The following NKAIN3 variants were observed in gnomAD, a reference collection of about 807,000 sequenced individuals.
The protein encoded by NKAIN3 is sodium/potassium transporting ATPase interacting 3.
Under a neutral mutation model 30.2 loss-of-function variants are expected in NKAIN3, and 25 were observed. The observed-to-expected ratio is 0.83, with a 90% CI of 0.60 to 1.16. The LOEUF (loss-of-function observed/expected upper bound fraction) is 1.16. NKAIN3 is among the 50% of genes most tolerant of loss of function. The pLI, the probability that NKAIN3 is intolerant of heterozygous loss-of-function variation, is 0.00. For missense variants in NKAIN3, 225 were observed against 254.1 expected, an observed-to-expected ratio of 0.89 and a Z score of 0.78; for synonymous variants, 91 against 89.6, an observed-to-expected ratio of 1.02 and a Z score of -0.09.
In NKAIN3 at chr8:62,974,077, A is replaced by G. The variant is rs1823892549; in HGVS notation, c.*8670A>G. Among the ~76,000 whole-genome samples the G allele has an allele frequency of 6.6e-6, 1 of 152,138 alleles. No individual in the cohort carries two copies. The highest frequency in any genetic ancestry group is 2.1e-4 in the South Asian group (1 of 4,824). On this transcript the variant is annotated 3_prime_UTR_variant, in exon 7 of 7. Transcript: ENST00000623646. ...GTTTTGGTTACTGTAGCCTTGTAGT[A>G]TAGTTTGAAGTTAGGTAGCATGATG...
At chr8:62,415,146 T>TTA (rs1159393881) in intron 1 of NKAIN3, among the ~76,000 whole-genome samples, 4 of 130,876 alleles carry the variant, frequency 3.1e-5, no homozygotes, top group African/African-American at 5.5e-5. Flanking sequence ...TATATATGTA[T>TTA]TATATACTAT....
At chr8:62,667,845 C>A (rs1270083743) in intron 3 of NKAIN3, among the ~76,000 whole-genome samples, 4 of 152,156 alleles carry the variant, frequency 2.6e-5, no homozygotes, top group Non-Finnish European at 5.9e-5. Context: ...CAACTTGCCT[C>A]TTTTACAATC....
At chr8:62,847,624 CTGTAGGT>C (rs1381830163) in intron 4 of NKAIN3, among the ~76,000 whole-genome samples, 1 of 152,090 alleles carries the variant, frequency 6.6e-6, no homozygotes, top group African/African-American at 2.4e-5. Flanking sequence ...GTCTCCCACT[CTGTAGGT>C]TGTATTTGCT....
chr8:62,276,840 T>C (rs923907804), intron 1 of NKAIN3, among the ~76,000 whole-genome samples: 1 of 152,170 alleles, frequency 6.6e-6, no homozygotes, highest in African/African-American at 2.4e-5. Flanking sequence ...TTAAAATAAT[T>C]ATTTGGACTC....
At chr8:62,670,650 A>C (rs1813270792) in intron 3 of NKAIN3, among the ~76,000 whole-genome samples, 1 of 151,992 alleles carries the variant, frequency 6.6e-6, no homozygotes, top group African/African-American at 2.4e-5. Flanking sequence ...TCCCCTTGGG[A>C]AGGCAGTTCA....
chr8:62,848,928 T>C (rs772719901), intron 4 of NKAIN3, among the ~76,000 whole-genome samples: 4 of 148,964 alleles, frequency 2.7e-5, no homozygotes, highest in Non-Finnish European at 4.4e-5. Flanking sequence ...AATCATGTGG[T>C]TTTTGTCCTT....
intron 5 of NKAIN3, among the ~76,000 whole-genome samples, chr8:62,928,921 A>C (rs1822531235): frequency 6.6e-6 from 1 of 152,220 alleles, no homozygotes; most frequent in Non-Finnish European, 1.5e-5. Flanking sequence ...CCCGAGTAGA[A>C]ACAGGCAGGA....
intron 5 of NKAIN3, among the ~76,000 whole-genome samples, chr8:62,933,959 T>A (rs1389440786): frequency 6.6e-6 from 1 of 152,178 alleles, no homozygotes; most frequent in East Asian, 1.9e-4. Flanking sequence ...AGTCACTCCA[T>A]CTAATTACTG....
chr8:62,259,658 TG>T (rs1308197163), intron 1 of NKAIN3, among the ~76,000 whole-genome samples: 1 of 152,206 alleles, frequency 6.6e-6, no homozygotes, highest in East Asian at 1.9e-4. Flanking sequence ...TGCCCTGTAA[TG>T]GAACATTCTT....
chr8:62,383,926 C>A (rs1359609138), intron 1 of NKAIN3, among the ~76,000 whole-genome samples: 1 of 144,012 alleles, frequency 6.9e-6, no homozygotes, highest in African/African-American at 2.5e-5. Context: ...ATTTATGTAT[C>A]TTGAAATGGT....
chr8:62,256,788 A>C (rs943483274), intron 1 of NKAIN3, among the ~76,000 whole-genome samples: 45 of 152,174 alleles, frequency 3.0e-4, no homozygotes, highest in Admixed American at 2.8e-3. Context: ...AGGACAGTAA[A>C]GATCACTTTG....
At chr8:62,575,940 T>G (rs1350285301) in intron 1 of NKAIN3, among the ~76,000 whole-genome samples, 1 of 152,052 alleles carries the variant, frequency 6.6e-6, no homozygotes, top group African/African-American at 2.4e-5. Context: ...TGGACTCATA[T>G]CTCTTGCCAT....
chr8:62,900,584 T>C (rs149255309), intron 4 of NKAIN3, among the ~76,000 whole-genome samples: 157 of 152,264 alleles, frequency 1.0e-3, no homozygotes, highest in African/African-American at 3.7e-3. Context: ...AAATCAACAA[T>C]ACAACTTAGC....
intron 4 of NKAIN3, among the ~76,000 whole-genome samples, chr8:62,775,378 A>G (rs969422892): frequency 2.0e-5 from 3 of 151,818 alleles, no homozygotes; most frequent in African/African-American, 4.8e-5. Flanking sequence ...TTGATAGTCT[A>G]TATTGTTTTA....
chr8:62,856,289 T>G, intron 4 of NKAIN3: 1 of 934,370 alleles, frequency 1.1e-6, no homozygotes, highest in Non-Finnish European at 1.8e-6. Context: ...GACCAGATTA[T>G]AAATGCCCAG....
At chr8:62,720,194 C>T (rs1003835925) in intron 3 of NKAIN3, among the ~76,000 whole-genome samples, 1 of 152,120 alleles carries the variant, frequency 6.6e-6, no homozygotes, top group Non-Finnish European at 1.5e-5. Flanking sequence ...CAAGTTAGAA[C>T]ATTTTTTAAT....
chr8:62,923,783 G>A (rs1274505856), intron 5 of NKAIN3, among the ~76,000 whole-genome samples: 1 of 152,138 alleles, frequency 6.6e-6, no homozygotes, highest in Non-Finnish European at 1.5e-5. Context: ...TGTAACCTCG[G>A]CCACCCCACA....
chr8:62,315,170 T>C (rs1384374607), intron 1 of NKAIN3, among the ~76,000 whole-genome samples: 5 of 152,210 alleles, frequency 3.3e-5, no homozygotes, highest in Middle Eastern at 6.3e-3. Flanking sequence ...TATGGGTTAA[T>C]TGTACATTAT....
At chr8:62,926,236 A>G (rs1822439095) in intron 5 of NKAIN3, among the ~76,000 whole-genome samples, 1 of 152,228 alleles carries the variant, frequency 6.6e-6, no homozygotes, top group Non-Finnish European at 1.5e-5. Flanking sequence ...TATTAGTGGT[A>G]AAATTTAAGA....
Sources: gnomAD v4.1 joint callset for allele counts (sites outside exome capture counted in the v4.1 genomes callset) on GRCh38, gnomAD v4.1.1 for gene constraint, MANE v1.5 for transcripts, NCBI Gene and HGNC (gene_info 2026-07-23, HGNC 2026-07-21) for gene names.